Variants in NTSR1 observed in about 807,000 individuals in gnomAD.
NTSR1 encodes neurotensin receptor type 1.
NTSR1 carries 29 observed loss-of-function variants against 31.2 expected under a neutral mutation model. The observed-to-expected ratio is 0.93, with a 90% confidence interval of 0.69 to 1.27. The LOEUF (loss-of-function observed/expected upper bound fraction) is 1.27. NTSR1 is among the 50% of genes most tolerant of loss of function. NTSR1 has a pLI of 0.00. For missense variants in NTSR1, 697 were observed against 595.4 expected (o/e 1.17, Z -1.78); for synonymous variants, 282 against 269.9 (o/e 1.04, Z -0.44).
intron 1 of NTSR1, among the ~76,000 whole-genome samples, chr20:62,747,067 G>C (rs1989312741): frequency 6.6e-6 from 1 of 152,170 alleles, no homozygotes; most frequent in Admixed American, 6.5e-5. Context: ...TTTATCCCTG[G>C]GATGGAAACA....
chr20:62,748,991 T>G (rs942519857), intron 1 of NTSR1, among the ~76,000 whole-genome samples: 1 of 152,142 alleles, frequency 6.6e-6, no homozygotes, highest in Non-Finnish European at 1.5e-5. Context: ...TCCATAACCA[T>G]GATAAATACC....
At chr20:62,734,921 C>G (rs151172089) in intron 1 of NTSR1, among the ~76,000 whole-genome samples, 2 of 152,366 alleles carry the variant, frequency 1.3e-5, no homozygotes, top group East Asian at 3.9e-4. Flanking sequence ...CGGGACTGTG[C>G]TGCCCGAGCC....
rs1337988914 is a variant in NTSR1 at position 62,714,736 on chromosome 20, T to G, written c.714+4815T>G. 6.6e-6 allele frequency among the ~76,000 whole-genome samples: 1 copy of G among 152,222 alleles called. No individual in the cohort carries two copies. Among genetic ancestry groups the G allele is most frequent in the Non-Finnish European group, 1.5e-5 (1 of 68,042 alleles). ...GAAACAGCTCCAAATAAACAACTCG[T>G]TCTGTTCTACAAACAGTGAGGGAAT... On this transcript the variant is annotated intron_variant, in intron 1 of 3. Transcript: ENST00000370501. This position sits in a 1 kb window ranked among gnomAD's most constrained non-coding sequence, Gnocchi z 4.1.
intron 2 of NTSR1, among the ~76,000 whole-genome samples, chr20:62,755,333 C>A (rs1989472694): frequency 9.5e-6 from 1 of 105,396 alleles, no homozygotes; most frequent in African/African-American, 4.0e-5. Context: ...TCCTCCCTCC[C>A]TCCATCCATC....
intron 1 of NTSR1, among the ~76,000 whole-genome samples, chr20:62,729,567 G>A (rs926786075): frequency 1.3e-5 from 2 of 151,804 alleles, no homozygotes; most frequent in African/African-American, 2.4e-5. Context: ...GCTCACCCCA[G>A]ACCAACTGGA....
intron 1 of NTSR1, among the ~76,000 whole-genome samples, chr20:62,730,760 G>C (rs1988989293): frequency 6.6e-6 from 1 of 152,246 alleles, no homozygotes; most frequent in Non-Finnish European, 1.5e-5. Context: ...GGTGTCGTCA[G>C]GATCTTGGTT....
rs1263194196 is a variant in NTSR1 at position 62,741,129 on chromosome 20, T to G, written c.715-13556T>G. On this transcript the variant is annotated intron_variant, in intron 1 of 3. Coordinates refer to ENST00000370501, the MANE Select transcript of NTSR1 (RefSeq NM_002531.3). This position sits in a 1 kb window ranked among gnomAD's most constrained non-coding sequence, Gnocchi z 4.3. ...GAGGAGGCAAGGGTGTCAGGAAGGC[T>G]CTTTCCCTAATCTGACTAAGGCCCT... Among the ~76,000 whole-genome samples, 1 of 152,098 alleles carries G rather than the reference T, an allele frequency of 6.6e-6. No individual in the cohort carries two copies. Among genetic ancestry groups the G allele is most frequent in the Non-Finnish European group, 1.5e-5 (1 of 68,002 alleles).
rs142803011 is a variant in NTSR1, at chr20:62,752,637, A to G, written c.715-2048A>G. 2.7e-3 allele frequency among the ~76,000 whole-genome samples: 408 copies of G among 152,364 alleles called. 3 individuals carry two copies. Among genetic ancestry groups the G allele is most frequent in the Middle Eastern group, 0.01 (3 of 294 alleles). ...CCCAGAGGTAGCTATTTTTGCAGCC[A>G]GCCGTGTTGGTGAGGTTGGTATTTT... On this transcript the variant is annotated intron_variant, in intron 1 of 3. Transcript: ENST00000370501.
chr20:62,736,118 G>T (rs1382737646), intron 1 of NTSR1, among the ~76,000 whole-genome samples: 1 of 152,366 alleles, frequency 6.6e-6, no homozygotes, highest in South Asian at 2.1e-4. Context: ...TCTGAAACTT[G>T]TCCCTTCGGG....
rs547868384 is a variant in NTSR1 at position 62,752,246 on chromosome 20, C to T, written c.715-2439C>T. 2.3e-3 allele frequency among the ~76,000 whole-genome samples: 350 copies of T among 152,364 alleles called. 1 individual carries two copies. The highest frequency in any genetic ancestry group is 7.6e-3 in the African/African-American group (317 of 41,590). ...TCGCAGGCTTTCCTCCGAGTCCCCG[C>T]GCTGCCGATGGACGTGCTCCCTTTG... On this transcript the variant is annotated intron_variant, in intron 1 of 3. Coordinates refer to ENST00000370501, the MANE Select transcript of NTSR1 (RefSeq NM_002531.3).
In NTSR1 at chr20:62,709,406, A is replaced by G. The variant is rs149449022; in HGVS notation, c.199A>G (p.Thr67Ala). The change falls in exon 1 of 4, where the codon ACC (threonine) becomes GCC (alanine). Residue 67 changes from threonine (T) to alanine (A), a missense_variant. By Grantham distance (58) the Thr-to-Ala change is moderately conservative. Coordinates refer to ENST00000370501, the MANE Select transcript of NTSR1 (RefSeq NM_002531.3). ...NTDIYSKVLV[T>A]AVYLALFVVG... ...CGACATCTACTCCAAGGTGCTGGTG[A>G]CCGCCGTGTACCTGGCGCTCTTCGT... 1.1e-4 allele frequency: 169 copies of G among 1,609,420 alleles called. No individual in the cohort carries two copies. Among genetic ancestry groups the G allele is most frequent in the Non-Finnish European group, 1.4e-4 (160 of 1,177,438 alleles).
intron 1 of NTSR1, among the ~76,000 whole-genome samples, chr20:62,710,543 G>A (rs1988588271): frequency 6.6e-6 from 1 of 152,206 alleles, no homozygotes; most frequent in Non-Finnish European, 1.5e-5. Flanking sequence ...ATTATTGCGG[G>A]ATGGTGGGGA....
At chr20:62,731,732 T>C (rs1989004384) in intron 1 of NTSR1, among the ~76,000 whole-genome samples, 1 of 152,248 alleles carries the variant, frequency 6.6e-6, no homozygotes, top group Non-Finnish European at 1.5e-5. Flanking sequence ...CTTTTGCTTC[T>C]TTCTCAAAGA....
At chr20:62,712,224 G>A (rs1445690549) in intron 1 of NTSR1, among the ~76,000 whole-genome samples, 3 of 152,218 alleles carry the variant, frequency 2.0e-5, no homozygotes, top group African/African-American at 4.8e-5. Context: ...CGGTCCCCAC[G>A]TGGGCTTCTG....
chr20:62,751,414 A>G (rs1989392482), intron 1 of NTSR1, among the ~76,000 whole-genome samples: 1 of 152,212 alleles, frequency 6.6e-6, no homozygotes, highest in Non-Finnish European at 1.5e-5. Context: ...AGGAATATTT[A>G]TTTCACTCAA....
Position 62,715,483 on chromosome 20 carries a change from C to G in NTSR1, c.714+5562C>G, listed in dbSNP as rs1373660666. ...GCTCCCCGTGGGGACAACGGTCAGG[C>G]TTTTGAGTGAGATGGGCAAGGGTGG... On this transcript the variant is annotated intron_variant, in intron 1 of 3. Transcript: ENST00000370501. This position sits in a 1 kb window ranked among gnomAD's most constrained non-coding sequence, Gnocchi z 4.7. Among the ~76,000 whole-genome samples the G allele has an allele frequency of 6.6e-6, 1 of 152,206 alleles. No individual in the cohort carries two copies. The highest frequency in any genetic ancestry group is 1.9e-4 in the East Asian group (1 of 5,194).
intron 1 of NTSR1, among the ~76,000 whole-genome samples, 172 bp from the exon 2 acceptor site, chr20:62,754,513 G>T (rs1029925297): frequency 1.3e-5 from 2 of 152,114 alleles, no homozygotes; most frequent in Non-Finnish European, 2.9e-5. Flanking sequence ...AGCAGCCAGG[G>T]GTGGCCATGT....
At chr20:62,727,090 C>T (rs903254950) in intron 1 of NTSR1, among the ~76,000 whole-genome samples, 2 of 152,220 alleles carry the variant, frequency 1.3e-5, no homozygotes, top group African/African-American at 2.4e-5. Flanking sequence ...GCTCAAGGCC[C>T]TCCTGGAGTC....
intron 1 of NTSR1, among the ~76,000 whole-genome samples, chr20:62,728,947 GGACCCTAAGAC>G (rs1371886848): frequency 6.6e-6 from 1 of 152,194 alleles, no homozygotes; most frequent in Non-Finnish European, 1.5e-5. Flanking sequence ...AGTTGGAAAG[GGACCCTAAGAC>G]TGTCCCCTGA....
Sources: allele counts gnomAD v4.1 joint callset (sites outside exome capture counted in the v4.1 genomes callset), GRCh38; gene constraint gnomAD v4.1.1; non-coding constraint Gnocchi (gnomAD v3.1); transcripts MANE v1.5; gene names NCBI Gene and HGNC (gene_info 2026-07-23, HGNC 2026-07-21).